TNKS: variants seen among roughly 807,000 people sequenced by gnomAD.
TNKS encodes the protein tankyrase.
In TNKS, 72 loss-of-function variants were observed where a neutral mutation model predicts 135.8. The ratio of observed to expected loss-of-function variants is 0.53; its 90% CI spans 0.44 to 0.64. The LOEUF (loss-of-function observed/expected upper bound fraction) is 0.64, where lower values mean the gene tolerates loss of function less well. TNKS is among the 30% of genes least tolerant of loss of function. TNKS has a pLI of 0.00. For synonymous variants in TNKS, 849 were observed against 649.3 expected, an observed-to-expected ratio of 1.31 and a Z score of -4.68; for missense variants, 1,769 against 1,674.0, an observed-to-expected ratio of 1.06 and a Z score of -0.99.
chr8:9,647,230 T>C (rs1476253730), intron 3 of TNKS, among the ~76,000 whole-genome samples: 1 of 152,210 alleles, frequency 6.6e-6, no homozygotes, highest in African/African-American at 2.4e-5. Flanking sequence ...TTGTTCACTT[T>C]TTGCGTAATG....
At chr8:9,648,702 G>T (rs1286005777) in intron 3 of TNKS, among the ~76,000 whole-genome samples, 1 of 152,234 alleles carries the variant, frequency 6.6e-6, no homozygotes, top group East Asian at 1.9e-4. Context: ...AAATTTTTCA[G>T]CTTTGTGTTA....
At chr8:9,648,223 T>C (rs1800991089) in intron 3 of TNKS, among the ~76,000 whole-genome samples, 1 of 152,148 alleles carries the variant, frequency 6.6e-6, no homozygotes, top group Admixed American at 6.5e-5. Context: ...TTAAAAAAAT[T>C]TTTTTTCTTC....
At chr8:9,592,315 A>G (rs1312946075) in intron 2 of TNKS, among the ~76,000 whole-genome samples, 1 of 152,204 alleles carries the variant, frequency 6.6e-6, no homozygotes, top group African/African-American at 2.4e-5. Flanking sequence ...CTTTTCAAGG[A>G]TCAAAAGACT....
In TNKS at chr8:9,761,603, A is replaced by T. The variant is rs2128833842; in HGVS notation, c.3241A>T (p.Lys1081Ter). The T allele has an allele frequency of 6.3e-7, 1 of 1,597,230 alleles. No individual in the cohort carries two copies. The highest frequency in any genetic ancestry group is 2.2e-5 in the East Asian group (1 of 44,816). Residue 1081 changes from lysine (K) to a stop codon, truncating the protein, a stop_gained, in exon 21 of 27, where the codon AAA becomes TAA. Transcript: ENST00000310430. LOFTEE classifies it high-confidence loss of function. ...NAYGHRHKLI[K>*]GVERLLGGQQ... is the part of the protein sequence containing the mutation. ...ATATGGGCACCGCCACAAATTAATC[A>T]AAGGAGTAGAAAGACTCTTAGGTGG... is the stretch of plus-strand genomic sequence containing the variant.
At chr8:9,557,765 C>T (rs2129048652) in intron 1 of TNKS, 1 of 152,216 alleles carries the variant, frequency 6.6e-6, no homozygotes, top group South Asian at 2.1e-4. Flanking sequence ...TGTGTTGACC[C>T]ACTGTAGTAT....
intron 12 of TNKS, among the ~76,000 whole-genome samples, chr8:9,721,066 G>A (rs1036661719): frequency 1.8e-4 from 27 of 151,882 alleles, no homozygotes; most frequent in African/African-American, 6.3e-4. Flanking sequence ...CAGATCACGA[G>A]GACAGGAGAT....
At position 9,780,108 on chromosome 8, in the gene TNKS, G is replaced by C. The variant is rs1022977594; in HGVS notation, c.*3372G>C. On this transcript the variant is annotated 3_prime_UTR_variant, in exon 27 of 27. Transcript: ENST00000310430. ...AAATAAAATTTTGATATATGCCGGA[G>C]AACGGCATTAGAATGCAATAAGTTG... 6.6e-6 allele frequency: 1 copy of C among 152,174 alleles called. No homozygotes were observed. Among genetic ancestry groups the C allele is most frequent in the African/African-American group, 2.4e-5 (1 of 41,424 alleles). The allele number at this position is 152,174 out of a possible 1,614,324, so 9.4% of individuals were successfully genotyped here.
chr8:9,602,107 G>A (rs2128759392), intron 2 of TNKS, among the ~76,000 whole-genome samples: 1 of 152,220 alleles, frequency 6.6e-6, no homozygotes, highest in East Asian at 1.9e-4. Context: ...AGTGGGTAGA[G>A]GTAAGGGGTG....
chr8:9,654,160 G>A (rs1801254240), intron 3 of TNKS, among the ~76,000 whole-genome samples: 1 of 152,188 alleles, frequency 6.6e-6, no homozygotes, highest in African/African-American at 2.4e-5. Flanking sequence ...AGTGGAGCAA[G>A]GTGCTGTGAT....
intron 5 of TNKS, among the ~76,000 whole-genome samples, chr8:9,691,798 C>A (rs1034696061): frequency 2.0e-5 from 3 of 152,004 alleles, no homozygotes; most frequent in Non-Finnish European, 4.4e-5. Flanking sequence ...TATGCTATGT[C>A]ATTTTATTTT....
At chr8:9,681,041 A>G (rs1563164057) in intron 5 of TNKS, 3 of 345,806 alleles carry the variant, frequency 8.7e-6, no homozygotes, top group Non-Finnish European at 1.6e-5. Flanking sequence ...TATTTGTTAC[A>G]TGAAACTGCA....
intron 3 of TNKS, among the ~76,000 whole-genome samples, chr8:9,654,627 T>C (rs185402594): frequency 2.0e-5 from 3 of 152,350 alleles, no homozygotes; most frequent in African/African-American, 7.2e-5. Flanking sequence ...CTATGTCAGG[T>C]AAAATTCTAT....
chr8:9,603,945 TGA>T (rs1478791202), intron 2 of TNKS, among the ~76,000 whole-genome samples: 1 of 150,390 alleles, frequency 6.6e-6, no homozygotes, highest in Non-Finnish European at 1.5e-5. Flanking sequence ...TATTCAGAGG[TGA>T]AACTCTTCTG....
At chr8:9,646,412 A>G (rs373288713) in intron 3 of TNKS, among the ~76,000 whole-genome samples, 1 of 152,046 alleles carries the variant, frequency 6.6e-6, no homozygotes, top group African/African-American at 2.4e-5. Flanking sequence ...TCTAGCTTGT[A>G]TTATTGCAAA....
In TNKS at chr8:9,708,412, G is replaced by C; in HGVS notation, c.1498G>C (p.Ala500Pro). ...GHSLLQAARE[A>P]DLAKVKKTLA... ...TTCTTTACTACAAGCAGCCAGAGAA[G>C]CAGACTTAGCTAAAGTTAAAAAAAC... Residue 500 changes from alanine to proline, a missense_variant, in exon 9 of 27, where the codon GCA becomes CCA. Ala to Pro is a conservative substitution (Grantham distance 27). Around this residue, in one of 5 missense-constraint regions of TNKS, gnomAD observed 523 missense variants for 541.0 expected, o/e 0.97. Coordinates refer to ENST00000310430, the MANE Select transcript of TNKS (RefSeq NM_003747.3). The C allele has an allele frequency of 6.2e-7, 1 of 1,609,252 alleles. No individual in the cohort carries two copies. Among genetic ancestry groups the C allele is most frequent in the Non-Finnish European group, 8.5e-7 (1 of 1,177,598 alleles).
At chr8:9,739,083 A>C (rs1024656395) in intron 17 of TNKS, among the ~76,000 whole-genome samples, 2 of 148,024 alleles carry the variant, frequency 1.4e-5, no homozygotes, top group Admixed American at 1.4e-4. Flanking sequence ...GAGCTTCTGC[A>C]CAGCAAAAGA....
chr8:9,579,874 G>C (rs1798104259), intron 1 of TNKS, among the ~76,000 whole-genome samples: 1 of 152,170 alleles, frequency 6.6e-6, no homozygotes. Flanking sequence ...GATAAGTCTT[G>C]TCATATTTAT....
At chr8:9,731,783 G>A (rs908884670) in intron 14 of TNKS, among the ~76,000 whole-genome samples, 1 of 151,942 alleles carries the variant, frequency 6.6e-6, no homozygotes, top group African/African-American at 2.4e-5. Flanking sequence ...TACATTATAT[G>A]AATTTTGTTT....
chr8:9,644,565 G>A (rs937592379), intron 3 of TNKS, among the ~76,000 whole-genome samples: 3 of 152,180 alleles, frequency 2.0e-5, no homozygotes, highest in African/African-American at 4.8e-5. Context: ...TTTACTGAAG[G>A]CTTGTCTCCC....
Sources: allele counts gnomAD v4.1 joint callset (sites outside exome capture counted in the v4.1 genomes callset), GRCh38; gene constraint gnomAD v4.1.1; regional missense constraint gnomAD v4.1.1; transcripts MANE v1.5; gene names NCBI Gene and HGNC (gene_info 2026-07-23, HGNC 2026-07-21).